Variants in NPLOC4 observed in about 807,000 individuals in gnomAD.
NPLOC4 encodes NPL4 homolog, ubiquitin recognition factor, also known as nuclear protein localization protein 4 homolog.
Under a neutral mutation model 80.6 loss-of-function variants are expected in NPLOC4, and 18 were observed. That is an observed-to-expected ratio of 0.22 (90% CI 0.15 to 0.33). NPLOC4 has a LOEUF of 0.33. NPLOC4 is among the 10% of genes least tolerant of loss of function. The pLI, the probability that NPLOC4 is intolerant of heterozygous loss-of-function variation, is 1.00. For synonymous variants in NPLOC4, 313 were observed against 301.5 expected (o/e 1.04, Z -0.39); for missense variants, 540 against 786.1 (o/e 0.69, Z 3.74).
chr17:81,608,950 G>C, intron 5 of NPLOC4, 128 bp from the exon 6 acceptor site: 5 of 627,060 alleles, frequency 8.0e-6, no homozygotes, highest in Non-Finnish European at 1.4e-5. Flanking sequence ...AGTGAAAGCA[G>C]GTACTAGGGT....
At chr17:81,587,486 T>C (rs1464817326) in intron 12 of NPLOC4, among the ~76,000 whole-genome samples, 2 of 150,366 alleles carry the variant, frequency 1.3e-5, no homozygotes, top group Non-Finnish European at 3.0e-5. Flanking sequence ...CGGCTAACTT[T>C]TTGTAGTTTT....
chr17:81,565,876 G>T (rs949303380), intron 15 of NPLOC4, among the ~76,000 whole-genome samples: 11 of 152,236 alleles, frequency 7.2e-5, no homozygotes, highest in Non-Finnish European at 1.5e-4. Flanking sequence ...CAGCCCGGAG[G>T]ATAGGAGCTC....
chr17:81,570,121 G>A (rs2034122011), intron 13 of NPLOC4, among the ~76,000 whole-genome samples: 1 of 152,242 alleles, frequency 6.6e-6, no homozygotes, highest in Non-Finnish European at 1.5e-5. Flanking sequence ...GCCAGCCGCT[G>A]TGGAAGGACA....
chr17:81,571,799 AAAAC>A (rs1490504584), intron 13 of NPLOC4, among the ~76,000 whole-genome samples: 1 of 152,202 alleles, frequency 6.6e-6, no homozygotes, highest in Non-Finnish European at 1.5e-5. Context: ...ACCTGAGACT[AAAAC>A]AAAAAGCCCT....
At chr17:81,576,318 G>A (rs62073411) in intron 12 of NPLOC4, among the ~76,000 whole-genome samples, 10,803 of 152,270 alleles carry the variant, frequency 0.071, 523 homozygotes, top group Middle Eastern at 0.17. Context: ...GTTGCACAAC[G>A]CGGGTTTGAA....
chr17:81,581,375 A>AAAGTC (rs1555680405), intron 12 of NPLOC4, among the ~76,000 whole-genome samples: 3,240 of 72,800 alleles, frequency 0.045, 1,051 homozygotes, highest in Middle Eastern at 0.12. Context: ...AAAAAAAAAA[A>AAAGTC]AGTTAATAAA....
At chr17:81,609,603 G>C (rs2035290552) in intron 5 of NPLOC4, among the ~76,000 whole-genome samples, 1 of 152,192 alleles carries the variant, frequency 6.6e-6, no homozygotes, top group African/African-American at 2.4e-5. Context: ...ACTGCACATA[G>C]CCAGAAGCAA....
At chr17:81,596,415 C>T (rs1263653108) in intron 10 of NPLOC4, among the ~76,000 whole-genome samples, 173 bp from the exon 11 acceptor site, 1 of 152,116 alleles carries the variant, frequency 6.6e-6, no homozygotes, top group Non-Finnish European at 1.5e-5. Flanking sequence ...CGAGACCAGC[C>T]TGGCCAACAC....
At chr17:81,597,379 A>C in intron 9 of NPLOC4, 63 bp from the exon 10 acceptor site, 1 of 1,302,298 alleles carries the variant, frequency 7.7e-7, no homozygotes, top group Non-Finnish European at 1.1e-6. Flanking sequence ...GGCTGGGCGC[A>C]GTGACTCACG....
chr17:81,600,176 C>G (rs771276530), intron 9 of NPLOC4, among the ~76,000 whole-genome samples, 165 bp downstream of exon 9: 1 of 151,990 alleles, frequency 6.6e-6, no homozygotes, highest in Non-Finnish European at 1.5e-5. Flanking sequence ...TGGTGCCCAA[C>G]AAACATATGT....
chr17:81,613,740 T>G (rs2035403202), intron 3 of NPLOC4, among the ~76,000 whole-genome samples: 1 of 152,126 alleles, frequency 6.6e-6, no homozygotes, highest in Admixed American at 6.6e-5. Context: ...CTGTGAAGCC[T>G]CCATACACCC....
At chr17:81,596,385 TC>T in intron 10 of NPLOC4, 143 bp from the exon 11 acceptor site, 1 of 891,534 alleles carries the variant, frequency 1.1e-6, no homozygotes, top group Non-Finnish European at 1.7e-6. Flanking sequence ...AGGCGGGAGG[TC>T]CACTTGAGGA....
chr17:81,584,509 T>C (rs1399199429), intron 12 of NPLOC4, among the ~76,000 whole-genome samples: 1 of 152,220 alleles, frequency 6.6e-6, no homozygotes, highest in African/African-American at 2.4e-5. Context: ...CTAAAAGCAC[T>C]TGCTTTACAA....
chr17:81,587,490 T>G (rs913879233), intron 12 of NPLOC4, among the ~76,000 whole-genome samples: 5 of 150,474 alleles, frequency 3.3e-5, no homozygotes, highest in African/African-American at 1.2e-4. Context: ...TAACTTTTTG[T>G]AGTTTTAGTA....
At chr17:81,597,143 T>C (rs765624796) in intron 10 of NPLOC4, 102 bp downstream of exon 10, 4 of 815,622 alleles carry the variant, frequency 4.9e-6, no homozygotes, top group South Asian at 1.5e-5. Flanking sequence ...TAATGGGGCC[T>C]GAAAGCTAGA....
chr17:81,620,421 G>A (rs181622334), intron 3 of NPLOC4, among the ~76,000 whole-genome samples: 3 of 152,072 alleles, frequency 2.0e-5, no homozygotes, highest in South Asian at 2.1e-4. Context: ...GCTTGAACCC[G>A]GGAGGCAGAG....
At chr17:81,603,653 T>A (rs2144212056) in intron 8 of NPLOC4, among the ~76,000 whole-genome samples, 1 of 152,294 alleles carries the variant, frequency 6.6e-6, no homozygotes, top group Non-Finnish European at 1.5e-5. Flanking sequence ...TAAAGAATTT[T>A]ACAGTGAATA....
intron 6 of NPLOC4, among the ~76,000 whole-genome samples, chr17:81,607,189 C>G (rs975069918): frequency 1.3e-5 from 2 of 152,148 alleles, no homozygotes; most frequent in Non-Finnish European, 2.9e-5. Context: ...ATTAAATTGT[C>G]AGAAACTTTG....
At chr17:81,606,292 G>A (rs1257189617) in intron 7 of NPLOC4, among the ~76,000 whole-genome samples, 1 of 152,092 alleles carries the variant, frequency 6.6e-6, no homozygotes, top group Admixed American at 6.6e-5. Flanking sequence ...AGAACATCCA[G>A]AAAGGCCGGA....
Sources: allele counts gnomAD v4.1 joint callset (sites outside exome capture counted in the v4.1 genomes callset), GRCh38; gene constraint gnomAD v4.1.1; transcripts MANE v1.5; gene names NCBI Gene and HGNC (gene_info 2026-07-23, HGNC 2026-07-21).